The following CRHR2 variants were observed in gnomAD, a reference collection of about 807,000 sequenced individuals.
CRHR2 encodes the protein corticotropin releasing hormone receptor 2.
A neutral mutation model predicts 57.9 loss-of-function variants in CRHR2; 53 were observed. The observed-to-expected ratio is 0.92, with a 90% CI of 0.73 to 1.15. The LOEUF is 1.15. Ranked by LOEUF, CRHR2 falls within the 50% of genes most tolerant of loss-of-function variation. CRHR2 has a pLI of 0.00. For missense variants in CRHR2, 532 were observed against 542.6 expected (o/e 0.98, Z 0.19); for synonymous variants, 213 against 220.9 (o/e 0.96, Z 0.32).
At chr7:30,682,904 TCCAAA>T, upstream of CRHR2, among the ~76,000 whole-genome samples, 2 of 152,062 alleles carry the variant, frequency 1.3e-5, no homozygotes, top group African/African-American at 4.8e-5. Context: ...ATCTGCATCC[TCCAAA>T]AGCCTCCATA....
At chr7:30,679,924 C>T (rs185030665) in intron 2 of CRHR2, among the ~76,000 whole-genome samples, 1 of 152,312 alleles carries the variant, frequency 6.6e-6, no homozygotes, top group East Asian at 1.9e-4. Flanking sequence ...AAGTGCTCCC[C>T]ACCCTCCACA....
At chr7:30,662,523 G>C (rs947034584) in intron 6 of CRHR2, among the ~76,000 whole-genome samples, 171 bp downstream of exon 6, 1 of 152,218 alleles carries the variant, frequency 6.6e-6, no homozygotes, top group East Asian at 1.9e-4. Flanking sequence ...ATCCTTTGGA[G>C]AGATCCTTTG....
intron 2 of CRHR2, among the ~76,000 whole-genome samples, chr7:30,679,708 CT>C (rs1784635950): frequency 6.6e-6 from 1 of 152,190 alleles, no homozygotes; most frequent in African/African-American, 2.4e-5. Context: ...CGCTCCTGTT[CT>C]TCCCCTAGGC....
chr7:30,684,678 C>T (rs1351181551), upstream of CRHR2, among the ~76,000 whole-genome samples: 2 of 152,166 alleles, frequency 1.3e-5, no homozygotes, highest in Non-Finnish European at 2.9e-5. Context: ...CCCACAGACC[C>T]GAGGTCCCCT....
chr7:30,690,527 C>T (rs528011119), intron 1 of CRHR2, among the ~76,000 whole-genome samples: 10 of 152,176 alleles, frequency 6.6e-5, no homozygotes, highest in Non-Finnish European at 1.5e-4. Flanking sequence ...CATCAGTGTG[C>T]AGCCCCTTCT....
chr7:30,682,574 T>C, upstream of CRHR2: 1 of 1,122,150 alleles, frequency 8.9e-7, no homozygotes, highest in Non-Finnish European at 1.1e-6. Context: ...AGGGGCTCAG[T>C]CTCCAGCCCC....
At chr7:30,697,122 G>T (rs771123723) in intron 1 of CRHR2, among the ~76,000 whole-genome samples, 1 of 152,216 alleles carries the variant, frequency 6.6e-6, no homozygotes, top group African/African-American at 2.4e-5. Flanking sequence ...TATGTTAGGG[G>T]ACACTGTGGA....
chr7:30,659,720 G>A (rs1480779649), intron 8 of CRHR2, among the ~76,000 whole-genome samples: 1 of 152,210 alleles, frequency 6.6e-6, no homozygotes, highest in Non-Finnish European at 1.5e-5. Context: ...GAAAATAAAA[G>A]AGATAAATAA....
intron 1 of CRHR2, among the ~76,000 whole-genome samples, chr7:30,691,357 C>T (rs1442625660): frequency 2.0e-5 from 3 of 152,222 alleles, no homozygotes; most frequent in African/African-American, 7.2e-5. Flanking sequence ...TGCAGCCATT[C>T]CATCTCAGAT....
chr7:30,680,722 G>A (rs1319405288), intron 2 of CRHR2, among the ~76,000 whole-genome samples: 1 of 152,114 alleles, frequency 6.6e-6, no homozygotes, highest in Non-Finnish European at 1.5e-5. Context: ...AGCTGGTGCA[G>A]CCAGGAGAGT....
chr7:30,665,222 C>A lies in CRHR2; in HGVS notation c.426-35G>T. On this transcript the variant is annotated intron_variant, in intron 4 of 11. Transcript: ENST00000471646. The surrounding 1 kb of genome is among the most constrained non-coding windows in gnomAD (Gnocchi z 4.5). Reference sequence around the variant, plus strand: ...GTGCAGGTCAGGGGTCAGCCAGGTTCAGGGGTCAACTGGGACTGGGTTCCC... The same window carrying A: ...GTGCAGGTCAGGGGTCAGCCAGGTTAAGGGGTCAACTGGGACTGGGTTCCC... 1 of 1,574,458 alleles carries A rather than the reference C, an allele frequency of 6.4e-7. No homozygotes were observed. The highest frequency in any genetic ancestry group is 1.1e-5 in the South Asian group (1 of 90,148).
At chr7:30,698,770 C>T (rs1474728834) in intron 1 of CRHR2, among the ~76,000 whole-genome samples, 3 of 152,196 alleles carry the variant, frequency 2.0e-5, no homozygotes, top group Non-Finnish European at 4.4e-5. Flanking sequence ...GCATTCACTG[C>T]GTGCTCACAC....
Position 30,665,278 on chromosome 7 carries a change from T to G in CRHR2, c.426-91A>C. The G allele has an allele frequency of 8.6e-7, 1 of 1,167,990 alleles. No homozygotes were observed. The highest frequency in any genetic ancestry group is 1.3e-6 in the Non-Finnish European group (1 of 787,742). The allele number at this position is 1,167,990 out of a possible 1,614,324, so 72.4% of individuals were successfully genotyped here. A position where few individuals can be genotyped will look rare whatever the true frequency, so the allele number is the denominator to read the frequency against. On this transcript the variant is annotated intron_variant, in intron 4 of 11. Transcript: ENST00000471646. The surrounding 1 kb of genome is among the most constrained non-coding windows in gnomAD (Gnocchi z 4.5). ...GGCCAGGTAGAGACTCAGCCTGGGATGAGGGCAGGGCTGCACTAGGAGCCA... is the reference window on the plus strand; with the variant it reads ...GGCCAGGTAGAGACTCAGCCTGGGAGGAGGGCAGGGCTGCACTAGGAGCCA...
intron 1 of CRHR2, among the ~76,000 whole-genome samples, chr7:30,696,358 C>A (rs544189771): frequency 2.0e-5 from 3 of 152,172 alleles, no homozygotes; most frequent in Non-Finnish European, 2.9e-5. Context: ...CTACACATTG[C>A]ATGCCTGTAT....
chr7:30,665,451 G>A lies in CRHR2; in HGVS notation c.425+79C>T. 8.0e-7 allele frequency: 1 copy of A among 1,247,862 alleles called. No homozygotes were observed. Among genetic ancestry groups the A allele is most frequent in the Non-Finnish European group, 1.1e-6 (1 of 878,768 alleles). 77.3% of individuals were successfully genotyped at this position (1,247,862 alleles called of 1,614,324 possible). ...TTATCTGCTGGGCCCCAGAATGGAG[G>A]TGAGAATGTCTGGGAGAGGTGAAGG... On this transcript the variant is annotated intron_variant, in intron 4 of 11. Coordinates refer to ENST00000471646, the MANE Select transcript of CRHR2 (RefSeq NM_001883.5). This position sits in a 1 kb window ranked among gnomAD's most constrained non-coding sequence, Gnocchi z 4.5.
At chr7:30,676,467 T>C (rs1230326734) in intron 2 of CRHR2, among the ~76,000 whole-genome samples, 1 of 152,152 alleles carries the variant, frequency 6.6e-6, no homozygotes, top group Non-Finnish European at 1.5e-5. Context: ...GCAGGGTCTA[T>C]CTGGGGTCCT....
At chr7:30,671,122 C>T (rs545762940) in intron 2 of CRHR2, among the ~76,000 whole-genome samples, 16 of 152,328 alleles carry the variant, frequency 1.1e-4, no homozygotes, top group African/African-American at 3.4e-4. Context: ...GTGACCATGA[C>T]TAAGCCCCTT....
Position 30,656,097 on chromosome 7 carries a change from GACCCCTGGAAACCGATGTCCCACGCAC to G in CRHR2, c.832-112_832-86del. On this transcript the variant is annotated intron_variant, in intron 8 of 11. Coordinates refer to ENST00000471646, the MANE Select transcript of CRHR2 (RefSeq NM_001883.5). The surrounding 1 kb of genome is among the most constrained non-coding windows in gnomAD (Gnocchi z 4.4). ...CCGAGAGGCAGCCCCCTTCCCCGCA[GACCCCTGGAAACCGATGTCCCACGCAC>G]ACACCTATCCTACCTGTCCCCCTAG... The G allele has an allele frequency of 7.6e-7, 1 of 1,311,004 alleles. No homozygotes were observed. The highest frequency in any genetic ancestry group is 2.1e-4 in the Middle Eastern group (1 of 4,676). 81.2% of individuals were successfully genotyped at this position (1,311,004 alleles called of 1,614,324 possible). A position where few individuals can be genotyped will look rare whatever the true frequency, so the allele number is the denominator to read the frequency against.
At chr7:30,693,344 C>T (rs114187193) in intron 1 of CRHR2, among the ~76,000 whole-genome samples, 7,347 of 152,118 alleles carry the variant, frequency 0.048, 554 homozygotes, top group African/African-American at 0.16. Context: ...GGAAGGGAGA[C>T]GGGCTGGAGA....
Sources: gnomAD v4.1 joint callset for allele counts (sites outside exome capture counted in the v4.1 genomes callset) on GRCh38, gnomAD v4.1.1 for gene constraint, Gnocchi (gnomAD v3.1) non-coding constraint, MANE v1.5 for transcripts, NCBI Gene and HGNC (gene_info 2026-07-23, HGNC 2026-07-21) for gene names.